Variants in PCDH15 observed in about 807,000 individuals in gnomAD.
The protein encoded by PCDH15 is protocadherin-15.
In PCDH15, 129 loss-of-function variants were observed where a neutral mutation model predicts 178.5. The ratio of observed to expected loss-of-function variants is 0.72; its 90% CI spans 0.63 to 0.84. The LOEUF (loss-of-function observed/expected upper bound fraction) is 0.84, where lower values mean the gene tolerates loss of function less well. PCDH15 is among the 40% of genes least tolerant of loss of function. The pLI, the probability that PCDH15 is intolerant of heterozygous loss-of-function variation, is 0.00. For synonymous variants in PCDH15, 800 were observed against 732.0 expected (o/e 1.09, Z -1.50); for missense variants, 2,230 against 2,099.9 (o/e 1.06, Z -1.21).
At chr10:53,906,913 T>A (rs1036577335) in intron 25 of PCDH15, 6 of 152,044 alleles carry the variant, frequency 3.9e-5, no homozygotes, top group Non-Finnish European at 7.4e-5. Context: ...TTGCTCCTTG[T>A]CTCGGGAAGG....
At chr10:53,812,088 C>T (rs563491697) in intron 35 of PCDH15, among the ~76,000 whole-genome samples, 2 of 152,234 alleles carry the variant, frequency 1.3e-5, no homozygotes, top group African/African-American at 2.4e-5. Flanking sequence ...TTCTTCTATT[C>T]ATTGAAACTG....
chr10:55,141,407 T>C (rs1297295108), intron 2 of PCDH15, among the ~76,000 whole-genome samples: 1 of 152,096 alleles, frequency 6.6e-6, no homozygotes, highest in Non-Finnish European at 1.5e-5. Context: ...ATAGCCATTC[T>C]CTTTCTCAAG....
At chr10:54,501,598 T>C (rs2080696883) in intron 3 of PCDH15, among the ~76,000 whole-genome samples, 1 of 152,136 alleles carries the variant, frequency 6.6e-6, no homozygotes, top group African/African-American at 2.4e-5. Context: ...ACATACACAA[T>C]GACAAATGAC....
intron 1 of PCDH15, among the ~76,000 whole-genome samples, chr10:54,775,504 G>T (rs1285025681): frequency 2.6e-5 from 4 of 152,106 alleles, no homozygotes; most frequent in African/African-American, 9.7e-5. Flanking sequence ...GTATCTTCTA[G>T]CTATTTAAAA....
intron 18 of PCDH15, among the ~76,000 whole-genome samples, chr10:54,040,044 T>C (rs1344836995): frequency 2.6e-5 from 4 of 152,094 alleles, no homozygotes; most frequent in African/African-American, 9.7e-5. Flanking sequence ...TATTTTGTTA[T>C]TTAGTCATGC....
At chr10:55,462,130 C>T (rs1354952678) in intron 2 of PCDH15, among the ~76,000 whole-genome samples, 2 of 152,054 alleles carry the variant, frequency 1.3e-5, no homozygotes, top group Non-Finnish European at 2.9e-5. Flanking sequence ...AAGTATAATG[C>T]ATTTTTATGG....
chr10:55,360,429 C>T (rs1486236979), intron 2 of PCDH15, among the ~76,000 whole-genome samples: 1 of 151,570 alleles, frequency 6.6e-6, no homozygotes, highest in Admixed American at 6.6e-5. Flanking sequence ...ATTAAGAGAC[C>T]ATTAAGACAG....
intron 2 of PCDH15, among the ~76,000 whole-genome samples, chr10:54,635,386 G>GTA (rs71010399): frequency 0.47 from 69,884 of 149,180 alleles, 17,255 homozygotes; most frequent in Non-Finnish European, 0.56. Context: ...TCTCATATAT[G>GTA]TATATATATA....
chr10:54,438,585 T>TA (rs2075592927), intron 3 of PCDH15, among the ~76,000 whole-genome samples: 1 of 152,098 alleles, frequency 6.6e-6, no homozygotes, highest in African/African-American at 2.4e-5. Flanking sequence ...AACGAGCATG[T>TA]AGCCTTCAGA....
intron 4 of PCDH15, among the ~76,000 whole-genome samples, chr10:54,373,826 T>C (rs555065017): frequency 2.2e-4 from 34 of 152,142 alleles, no homozygotes; most frequent in African/African-American, 7.9e-4. Flanking sequence ...GCATTTAAGA[T>C]ATCTCTTAGT....
chr10:55,453,754 T>C (rs980351151), intron 2 of PCDH15, among the ~76,000 whole-genome samples: 17 of 152,062 alleles, frequency 1.1e-4, no homozygotes, highest in African/African-American at 4.1e-4. Flanking sequence ...CAAGCCAACC[T>C]TCATGCTCTC....
chr10:54,573,646 T>C (rs572627411), intron 2 of PCDH15, among the ~76,000 whole-genome samples: 109 of 152,202 alleles, frequency 7.2e-4, no homozygotes, highest in Non-Finnish European at 1.2e-3. Flanking sequence ...ACAGCCTTCA[T>C]TAATATATAA....
At chr10:54,380,643 GTATATATA>G (rs59953769) in intron 3 of PCDH15, among the ~76,000 whole-genome samples, 12 of 15,302 alleles carry the variant, frequency 7.8e-4, no homozygotes, top group Admixed American at 2.0e-3. Flanking sequence ...GTGTATGCAT[GTATATATA>G]TATATATATA....
chr10:54,920,198 C>T (rs539990872), intron 2 of PCDH15, among the ~76,000 whole-genome samples: 162 of 152,168 alleles, frequency 1.1e-3, no homozygotes, highest in African/African-American at 3.6e-3. Flanking sequence ...CGGCCGGGAG[C>T]GGTGGCTCAC....
intron 21 of PCDH15, among the ~76,000 whole-genome samples, chr10:53,972,887 T>C (rs1164375606): frequency 1.3e-5 from 2 of 152,140 alleles, no homozygotes; most frequent in African/African-American, 2.4e-5. Flanking sequence ...GTGTGGCGAT[T>C]CCTCAAGGAT....
chr10:55,121,918 G>T (rs1214133641), intron 2 of PCDH15, among the ~76,000 whole-genome samples: 1 of 152,112 alleles, frequency 6.6e-6, no homozygotes, highest in Non-Finnish European at 1.5e-5. Flanking sequence ...GAAATAAATG[G>T]CTGCTGTCTA....
chr10:55,603,756 G>A (rs1365552297), intron 2 of PCDH15, among the ~76,000 whole-genome samples: 9 of 148,630 alleles, frequency 6.1e-5, no homozygotes, highest in African/African-American at 7.4e-5. Flanking sequence ...GCTAAACATG[G>A]AAAGGAACAA....
At chr10:55,159,382 TATATATAC>T (rs375054319) in intron 2 of PCDH15, among the ~76,000 whole-genome samples, 123,800 of 148,106 alleles carry the variant, frequency 0.84, 53,229 homozygotes, top group East Asian at 0.96. Context: ...TATATATATA[TATATATAC>T]ACACATACAC....
intron 2 of PCDH15, among the ~76,000 whole-genome samples, chr10:55,560,137 T>G (rs1842167420): frequency 1.3e-5 from 2 of 151,954 alleles, no homozygotes; most frequent in South Asian, 4.1e-4. Context: ...CTGCCACATT[T>G]AGAAATTTGA....
Sources: gnomAD v4.1 joint callset for allele counts (sites outside exome capture counted in the v4.1 genomes callset) on GRCh38, gnomAD v4.1.1 for gene constraint, MANE v1.5 for transcripts, NCBI Gene and HGNC (gene_info 2026-07-23, HGNC 2026-07-21) for gene names.